The following PRRX2 variants were observed in gnomAD, a reference collection of about 807,000 sequenced individuals.
The protein encoded by PRRX2 is paired related homeobox 2.
Under a neutral mutation model 18.0 loss-of-function variants are expected in PRRX2, and 11 were observed. The observed-to-expected ratio is 0.61, with a 90% CI of 0.39 to 1.01. The LOEUF (loss-of-function observed/expected upper bound fraction) is 1.01. Among genes scored for constraint, PRRX2 ranks in the 50% least tolerant of loss-of-function variants. The pLI, the probability that PRRX2 is intolerant of heterozygous loss-of-function variation, is 0.01. For missense variants in PRRX2, 387 were observed against 351.0 expected, an observed-to-expected ratio of 1.10 and a Z score of -0.82; for synonymous variants, 177 against 154.8, an observed-to-expected ratio of 1.14 and a Z score of -1.06.
intron 1 of PRRX2, among the ~76,000 whole-genome samples, chr9:129,706,273 C>T (rs968686749): frequency 1.6e-5 from 2 of 126,618 alleles, no homozygotes. Flanking sequence ...TAGTGAGACT[C>T]CCATCTCTAC....
In PRRX2 at chr9:129,695,580, G is replaced by T. The variant is rs1436753883; in HGVS notation, c.260-23651G>T. Among the ~76,000 whole-genome samples the T allele has an allele frequency of 2.0e-5, 3 of 152,136 alleles. No individual in the cohort carries two copies. The highest frequency in any genetic ancestry group is 2.0e-4 in the Admixed American group (3 of 15,280). On this transcript the variant is annotated intron_variant, in intron 1 of 3. Transcript: ENST00000372469. This position sits in a 1 kb window ranked among gnomAD's most constrained non-coding sequence, Gnocchi z 4.8. ...GGCACAGAGCTGGGAGCCGGGCCGG[G>T]AGCCCCCAGCTGGCAGGCACCTCCC...
In PRRX2 at chr9:129,716,094, G is replaced by A. The variant is rs79903493; in HGVS notation, c.260-3137G>A. Reference sequence around the variant, plus strand: ...AGGCAAAACACGTCGCCCCAAACCCGGCCGGTGGGAATGCAAAATAAGACC... The same window carrying A: ...AGGCAAAACACGTCGCCCCAAACCCAGCCGGTGGGAATGCAAAATAAGACC... On this transcript the variant is annotated intron_variant, in intron 1 of 3. Coordinates refer to ENST00000372469, the MANE Select transcript of PRRX2 (RefSeq NM_016307.4). 0.027 allele frequency among the ~76,000 whole-genome samples: 4,142 copies of A among 152,226 alleles called. 300 individuals carry two copies. The East Asian group carries it at 0.29, about 11-fold the overall frequency.
chr9:129,669,064 A>AAAAGAAAG (rs143573252), intron 1 of PRRX2, among the ~76,000 whole-genome samples: 10 of 150,942 alleles, frequency 6.6e-5, no homozygotes, highest in African/African-American at 1.2e-4. Flanking sequence ...GGAGAAAAAA[A>AAAAGAAAG]AAAGAAAGAA....
intron 1 of PRRX2, among the ~76,000 whole-genome samples, chr9:129,672,882 G>GTTCA (rs3054758): frequency 0.026 from 3,947 of 150,138 alleles, 55 homozygotes; most frequent in Middle Eastern, 0.031. Flanking sequence ...TCCCGCACTT[G>GTTCA]TTCATTCATT....
rs377627645 is a variant in PRRX2 at position 129,719,195 on chromosome 9, G to T, written c.260-36G>T. The T allele has an allele frequency of 1.6e-4, 243 of 1,508,584 alleles. No homozygotes were observed. The African/African-American group carries it at 2.9e-3, about 18-fold the overall frequency. 93.4% of individuals were successfully genotyped at this position (1,508,584 alleles called of 1,614,324 possible). A position where few individuals can be genotyped will look rare whatever the true frequency, so the allele number is the denominator to read the frequency against. On this transcript the variant is annotated intron_variant, in intron 1 of 3. Coordinates refer to ENST00000372469, the MANE Select transcript of PRRX2 (RefSeq NM_016307.4). ...TGAACTGTGACTGTAGCCACTGGCCGTCCTGCTGACCATCCCGCCCCCCCA... is the reference window on the plus strand; with the variant it reads ...TGAACTGTGACTGTAGCCACTGGCCTTCCTGCTGACCATCCCGCCCCCCCA...
At chr9:129,691,865 A>G (rs1039040365) in intron 1 of PRRX2, among the ~76,000 whole-genome samples, 6 of 151,800 alleles carry the variant, frequency 4.0e-5, no homozygotes, top group African/African-American at 1.5e-4. Context: ...TTTTTTTTGT[A>G]GGGACAGGGT....
intron 1 of PRRX2, among the ~76,000 whole-genome samples, chr9:129,679,290 G>A (rs60193857): frequency 0.059 from 8,989 of 152,274 alleles, 333 homozygotes; most frequent in African/African-American, 0.09. Context: ...ACAAGGAATG[G>A]AGGGAGTCCG....
intron 1 of PRRX2, among the ~76,000 whole-genome samples, chr9:129,674,900 G>C (rs184667188): frequency 2.6e-5 from 4 of 152,254 alleles, no homozygotes; most frequent in African/African-American, 9.6e-5. Context: ...CAGGGAGCTG[G>C]TGCGTGTTCC....
intron 1 of PRRX2, among the ~76,000 whole-genome samples, chr9:129,697,708 G>A (rs563836010): frequency 5.3e-5 from 8 of 152,152 alleles, no homozygotes; most frequent in Non-Finnish European, 1.0e-4. Flanking sequence ...CGAGACGGGT[G>A]GGGTCCGCCT....
intron 1 of PRRX2, 51 bp from the exon 2 acceptor site, chr9:129,719,176 GTGAC>G: frequency 1.4e-6 from 2 of 1,454,720 alleles, no homozygotes; most frequent in East Asian, 5.0e-5. Context: ...GGGCTGAACT[GTGAC>G]TGTAGCCACT....
In PRRX2 at chr9:129,665,890, T is replaced by C; in HGVS notation, c.23T>C (p.Phe8Ser). Residue 8 changes from phenylalanine to serine, a missense_variant, in exon 1 of 4, where the codon TTC becomes TCC. Physicochemically the swap from Phe to Ser is radical, Grantham distance 155. Coordinates refer to ENST00000372469, the MANE Select transcript of PRRX2 (RefSeq NM_016307.4). This position sits in a 1 kb window ranked among gnomAD's most constrained non-coding sequence, Gnocchi z 5.3. ...GGCATGGACAGCGCGGCCGCCGCCT[T>C]CGCCCTGGACAAGCCGGCGCTGGGC... MDSAAAA[F>S]ALDKPALGPG... is the part of the protein sequence containing the mutation. 1 of 1,080,114 alleles carries C rather than the reference T, an allele frequency of 9.3e-7. No homozygotes were observed. The highest frequency in any genetic ancestry group is 1.1e-6 in the Non-Finnish European group (1 of 896,284). 66.9% of individuals were successfully genotyped at this position (1,080,114 alleles called of 1,614,324 possible). A position where few individuals can be genotyped will look rare whatever the true frequency, so the allele number is the denominator to read the frequency against.
At chr9:129,719,091 G>A in intron 1 of PRRX2, 140 bp from the exon 2 acceptor site, 1 of 780,126 alleles carries the variant, frequency 1.3e-6, no homozygotes, top group Non-Finnish European at 1.9e-6. Flanking sequence ...CCAGAAGGAA[G>A]GAATGAGGGA....
chr9:129,684,432 A>ACACACACACACACC (rs1182036133), intron 1 of PRRX2, among the ~76,000 whole-genome samples: 1 of 126,744 alleles, frequency 7.9e-6, no homozygotes, highest in Non-Finnish European at 1.7e-5. Context: ...GATACAACAC[A>ACACACACACACACC]CACACACACA....
At position 129,720,772 on chromosome 9, in the gene PRRX2, C is replaced by T. The variant is rs1207102150; in HGVS notation, c.624C>T (p.Tyr208=). ...DYLSWTASSP[Y]STVPPYSPGS... ...TCTCCTGGACAGCCTCGTCCCCCTA[C>T]AGGTGAGAGCGGGAACACCTTTGGG... Residue 208 remains tyrosine, a splice_region_variant and synonymous_variant, in exon 3 of 4, where the codon TAC becomes TAT. Coordinates refer to ENST00000372469, the MANE Select transcript of PRRX2 (RefSeq NM_016307.4). The T allele has an allele frequency of 6.4e-7, 1 of 1,571,968 alleles. No individual in the cohort carries two copies. Among genetic ancestry groups the T allele is most frequent in the Non-Finnish European group, 8.6e-7 (1 of 1,156,988 alleles).
At chr9:129,699,552 A>C (rs1405994404) in intron 1 of PRRX2, among the ~76,000 whole-genome samples, 2 of 152,092 alleles carry the variant, frequency 1.3e-5, no homozygotes, top group East Asian at 3.9e-4. Flanking sequence ...TGTATAGTGC[A>C]TACAAATTTT....
intron 1 of PRRX2, among the ~76,000 whole-genome samples, chr9:129,679,232 G>A (rs980531837): frequency 7.9e-5 from 12 of 152,296 alleles, no homozygotes; most frequent in African/African-American, 2.4e-4. Flanking sequence ...TTCACAAGAT[G>A]AGGAAGGAAG....
intron 1 of PRRX2, among the ~76,000 whole-genome samples, chr9:129,690,247 C>G (rs1021402226): frequency 6.6e-6 from 1 of 152,124 alleles, no homozygotes; most frequent in African/African-American, 2.4e-5. Context: ...AGCTGGGGCC[C>G]GAGTTTTCTC....
At chr9:129,720,911 A>C in intron 3 of PRRX2, 137 bp downstream of exon 3, 2 of 1,034,602 alleles carry the variant, frequency 1.9e-6, no homozygotes, top group Non-Finnish European at 2.6e-6. Flanking sequence ...GGGTACACCA[A>C]GTGATGTGTG....
rs1346426459 is a variant in PRRX2 at position 129,675,479 on chromosome 9, A to G, written c.259+9353A>G. On this transcript the variant is annotated intron_variant, in intron 1 of 3. Transcript: ENST00000372469. This position sits in a 1 kb window ranked among gnomAD's most constrained non-coding sequence, Gnocchi z 4.4. ...GCCACTGGACAAGCCCCCTCCTGGCATCCTGCCGGCACCTCCTGCCCCCCT... is the reference window on the plus strand; with the variant it reads ...GCCACTGGACAAGCCCCCTCCTGGCGTCCTGCCGGCACCTCCTGCCCCCCT... Among the ~76,000 whole-genome samples the G allele has an allele frequency of 1.3e-5, 2 of 151,694 alleles. No individual in the cohort carries two copies. The highest frequency in any genetic ancestry group is 1.3e-4 in the Admixed American group (2 of 15,230).
Sources: gnomAD v4.1 joint callset for allele counts (sites outside exome capture counted in the v4.1 genomes callset) on GRCh38, gnomAD v4.1.1 for gene constraint, Gnocchi (gnomAD v3.1) non-coding constraint, MANE v1.5 for transcripts, NCBI Gene and HGNC (gene_info 2026-07-23, HGNC 2026-07-21) for gene names.